Variants in ARID4B observed in about 807,000 individuals in gnomAD.
The protein encoded by ARID4B is AT-rich interaction domain 4B, also known as AT-rich interactive domain-containing protein 4B.
In ARID4B, 26 loss-of-function variants were observed where a neutral mutation model predicts 147.5. That is an observed-to-expected ratio of 0.18 (90% CI 0.13 to 0.24). The LOEUF is 0.24. Ranked by LOEUF, ARID4B falls within the 10% of genes least tolerant of loss-of-function variation. The pLI, the probability that ARID4B is intolerant of heterozygous loss-of-function variation, is 1.00. For missense variants in ARID4B, 1,179 were observed against 1,511.5 expected (o/e 0.78, Z 3.65); for synonymous variants, 512 against 507.9 (o/e 1.01, Z -0.11).
Position 235,194,190 on chromosome 1 carries a change from C to T in ARID4B, c.1948G>A (p.Asp650Asn). The change falls in exon 19 of 24, where the codon GAC becomes AAC. Residue 650 changes from aspartate to asparagine, a missense_variant. Around this residue, in one of 10 missense-constraint regions of ARID4B, gnomAD observed 321 missense variants for 342.4 expected, o/e 0.94. Coordinates refer to ENST00000264183, the MANE Select transcript of ARID4B (RefSeq NM_016374.6). ...TTTGGAGAGTATTTTTCATCTTTGT[C>T]TTTTTCTTTGTCTAATTTATTCTAG... is the stretch of plus-strand genomic sequence containing the variant. ...KIKNKLDKEK[D>N]KDEKYSPKNC... The T allele has an allele frequency of 6.2e-7, 1 of 1,610,364 alleles. No individual in the cohort carries two copies. The highest frequency in any genetic ancestry group is 8.5e-7 in the Non-Finnish European group (1 of 1,177,040).
At chr1:235,200,235 C>T (rs1665803703) in intron 17 of ARID4B, among the ~76,000 whole-genome samples, 1 of 151,504 alleles carries the variant, frequency 6.6e-6, no homozygotes, top group African/African-American at 2.4e-5. Flanking sequence ...CAGAGGTGGG[C>T]AGATCATGAG....
intron 17 of ARID4B, among the ~76,000 whole-genome samples, chr1:235,198,425 G>A (rs1198029698): frequency 6.6e-6 from 1 of 152,282 alleles, no homozygotes. Flanking sequence ...TCATGGGTAA[G>A]GCCACTGTGA....
At chr1:235,227,750 G>C (rs1667917352) in intron 11 of ARID4B, among the ~76,000 whole-genome samples, 1 of 151,012 alleles carries the variant, frequency 6.6e-6, no homozygotes. Context: ...GATCTAATCA[G>C]AACTATCTAC....
intron 6 of ARID4B, among the ~76,000 whole-genome samples, chr1:235,247,757 G>C (rs998996920): frequency 1.3e-5 from 2 of 152,128 alleles, no homozygotes; most frequent in African/African-American, 4.8e-5. Context: ...GGGAGGCCGA[G>C]GCAGGTGGAA....
At position 235,182,886 on chromosome 1, in the gene ARID4B, A is replaced by G. The variant is rs369111477; in HGVS notation, c.2126-93T>C. 55 of 1,276,926 alleles carry G rather than the reference A, an allele frequency of 4.3e-5. 1 individual carries two copies. In the East Asian group the frequency reaches 5.3e-4, roughly 12 times the overall value. 79.1% of individuals were successfully genotyped at this position (1,276,926 alleles called of 1,614,324 possible). A position where few individuals can be genotyped will look rare whatever the true frequency, so the allele number is the denominator to read the frequency against. ...GGACTGTATATATTAGGTCCTGTGT[A>G]TACAGCCACCCGAGGTTGCTGGCTT... On this transcript the variant is annotated intron_variant, in intron 19 of 23. Transcript: ENST00000264183.
At chr1:235,314,933 A>C (rs1674324879) in intron 2 of ARID4B, among the ~76,000 whole-genome samples, 1 of 152,212 alleles carries the variant, frequency 6.6e-6, no homozygotes, top group Admixed American at 6.5e-5. Flanking sequence ...ATGTTCAATG[A>C]AACTTACTAA....
chr1:235,283,869 G>C (rs1671811746), intron 2 of ARID4B, among the ~76,000 whole-genome samples: 1 of 151,938 alleles, frequency 6.6e-6, no homozygotes, highest in Non-Finnish European at 1.5e-5. Context: ...CGAGTAGCTG[G>C]GATTACAGAC....
intron 5 of ARID4B, among the ~76,000 whole-genome samples, chr1:235,253,454 T>A (rs72756079): frequency 0.13 from 19,981 of 152,118 alleles, 1,523 homozygotes; most frequent in African/African-American, 0.2. Context: ...GGTAAATTCA[T>A]CCCAGTTGAA....
intron 2 of ARID4B, among the ~76,000 whole-genome samples, chr1:235,289,822 G>T (rs1466542398): frequency 1.3e-5 from 2 of 151,184 alleles, no homozygotes; most frequent in East Asian, 3.9e-4. Flanking sequence ...CTCAACACTT[G>T]AAAAGATGCT....
intron 2 of ARID4B, among the ~76,000 whole-genome samples, chr1:235,290,078 A>C (rs1239321120): frequency 6.6e-6 from 1 of 152,062 alleles, no homozygotes; most frequent in Non-Finnish European, 1.5e-5. Context: ...AGATTGGCAA[A>C]AATTCAGAAA....
rs551552808 is a variant in ARID4B at position 235,294,804 on chromosome 1, G to A, written c.6+32110C>T. 1.1e-3 allele frequency among the ~76,000 whole-genome samples: 173 copies of A among 151,358 alleles called. 1 individual carries two copies. Among genetic ancestry groups the A allele is most frequent in the African/African-American group, 4.1e-3 (169 of 41,318 alleles). On this transcript the variant is annotated intron_variant, in intron 2 of 23. Transcript: ENST00000264183. ...GCTGGGGTTACAGGCGCAAGCCACC[G>A]TGCCCAGCCATATCTTTTTAAAAAT...
At chr1:235,200,884 C>T (rs1488017747) in intron 17 of ARID4B, among the ~76,000 whole-genome samples, 1 of 152,168 alleles carries the variant, frequency 6.6e-6, no homozygotes, top group African/African-American at 2.4e-5. Context: ...TGGCTTATGC[C>T]TGTAATCCTA....
chr1:235,298,976 G>A (rs1412638279), intron 2 of ARID4B, among the ~76,000 whole-genome samples: 1 of 144,962 alleles, frequency 6.9e-6, no homozygotes, highest in African/African-American at 2.6e-5. Context: ...GCCCAGCACA[G>A]TGGCATACAC....
At chr1:235,278,405 T>C (rs867962612) in intron 2 of ARID4B, among the ~76,000 whole-genome samples, 1 of 152,106 alleles carries the variant, frequency 6.6e-6, no homozygotes, top group Non-Finnish European at 1.5e-5. Context: ...AAACATTTCA[T>C]GGCATCCCCT....
intron 21 of ARID4B, chr1:235,176,988 A>G (rs1406551020): frequency 2.1e-6 from 1 of 469,646 alleles, no homozygotes; most frequent in Non-Finnish European, 4.4e-6. Flanking sequence ...GAAGAAATAC[A>G]GTATATATAT....
chr1:235,270,849 G>GCATGATCT (rs397964025), intron 2 of ARID4B, among the ~76,000 whole-genome samples: 1 of 152,062 alleles, frequency 6.6e-6, no homozygotes, highest in African/African-American at 2.4e-5. Flanking sequence ...TTCATGATCT[G>GCATGATCT]GAAATTAGAG....
At chr1:235,225,516 T>C (rs184307245) in intron 11 of ARID4B, among the ~76,000 whole-genome samples, 9 of 152,318 alleles carry the variant, frequency 5.9e-5, no homozygotes, top group Admixed American at 1.3e-4. Flanking sequence ...CTTTCATCCA[T>C]TCAACAAACA....
At chr1:235,188,228 GA>G (rs1664830368) in intron 19 of ARID4B, among the ~76,000 whole-genome samples, 1 of 151,928 alleles carries the variant, frequency 6.6e-6, no homozygotes, top group Non-Finnish European at 1.5e-5. Flanking sequence ...AAAAATGGGG[GA>G]AAATACGAAA....
chr1:235,179,525 C>CAAAAAAAAA (rs61143006), intron 20 of ARID4B, among the ~76,000 whole-genome samples: 7 of 48,368 alleles, frequency 1.4e-4, no homozygotes, highest in Admixed American at 2.8e-4. Context: ...CTCTATGTCT[C>CAAAAAAAAA]AAAAAAAAAA....
Sources: gnomAD v4.1 joint callset for allele counts (sites outside exome capture counted in the v4.1 genomes callset) on GRCh38, gnomAD v4.1.1 for gene constraint, gnomAD v4.1.1 regional missense constraint, MANE v1.5 for transcripts, NCBI Gene and HGNC (gene_info 2026-07-23, HGNC 2026-07-21) for gene names.